Variants in CCDC38 observed in about 807,000 individuals in gnomAD.
CCDC38 encodes the protein coiled-coil domain-containing protein 38.
Under a neutral mutation model 72.8 loss-of-function variants are expected in CCDC38, and 69 were observed. The ratio of observed to expected loss-of-function variants is 0.95; its 90% CI spans 0.78 to 1.16. The LOEUF is 1.16. CCDC38 is among the 50% of genes most tolerant of loss of function. CCDC38 has a pLI of 0.00. For synonymous variants in CCDC38, 201 were observed against 213.2 expected (o/e 0.94, Z 0.50); for missense variants, 626 against 638.9 (o/e 0.98, Z 0.22).
intron 12 of CCDC38, among the ~76,000 whole-genome samples, chr12:95,878,745 G>C (rs1465304555): frequency 6.6e-6 from 1 of 152,132 alleles, no homozygotes; most frequent in East Asian, 1.9e-4. Context: ...ATCCTCTAGA[G>C]ATAGATTCTA....
intron 1 of CCDC38, among the ~76,000 whole-genome samples, chr12:95,942,010 T>C (rs147768519): frequency 6.4e-4 from 97 of 152,340 alleles, no homozygotes; most frequent in African/African-American, 1.8e-3. Flanking sequence ...GAGTGTTTGC[T>C]TTCTGTTCCA....
intron 2 of CCDC38, among the ~76,000 whole-genome samples, chr12:95,928,832 A>C (rs1197425613): frequency 2.6e-5 from 4 of 151,818 alleles, no homozygotes; most frequent in East Asian, 1.9e-4. Context: ...CTAGGGGGTG[A>C]CTCCCAGTTA....
chr12:95,920,019 C>T (rs1555231557), intron 2 of CCDC38, among the ~76,000 whole-genome samples: 1 of 152,002 alleles, frequency 6.6e-6, no homozygotes, highest in African/African-American at 2.4e-5. Context: ...TAGGGGCTCA[C>T]AAAAAACGTG....
intron 5 of CCDC38, among the ~76,000 whole-genome samples, chr12:95,900,120 C>T (rs7972482): frequency 0.066 from 10,049 of 151,958 alleles, 852 homozygotes; most frequent in African/African-American, 0.2. Context: ...TTTGCACCAG[C>T]CTAATATAAG....
At chr12:95,886,906 C>G (rs116860256) in intron 10 of CCDC38, among the ~76,000 whole-genome samples, 1 of 152,140 alleles carries the variant, frequency 6.6e-6, no homozygotes, top group East Asian at 1.9e-4. Flanking sequence ...AACATGCGGC[C>G]GGGCGTGGTG....
chr12:95,899,633 T>C (rs1448857355), intron 5 of CCDC38, among the ~76,000 whole-genome samples: 4 of 152,046 alleles, frequency 2.6e-5, no homozygotes, highest in Non-Finnish European at 5.9e-5. Context: ...AGGAAAAAAT[T>C]AAATCATAAA....
intron 4 of CCDC38, among the ~76,000 whole-genome samples, chr12:95,908,462 AGAG>A (rs2080043733): frequency 0.083 from 1 of 12 alleles, no homozygotes; most frequent in Admixed American, 0.5. Flanking sequence ...AGGGAGAGGG[AGAG>A]GGAGAGGGAG....
intron 1 of CCDC38, among the ~76,000 whole-genome samples, chr12:95,938,755 T>C (rs1385099548): frequency 6.6e-6 from 1 of 152,112 alleles, no homozygotes; most frequent in Non-Finnish European, 1.5e-5. Context: ...CCCTTTCCAA[T>C]CAGAAAAAAT....
intron 13 of CCDC38, among the ~76,000 whole-genome samples, chr12:95,873,489 C>G (rs2079603447): frequency 6.6e-6 from 1 of 152,188 alleles, no homozygotes; most frequent in South Asian, 2.1e-4. Context: ...TTGCTGATCC[C>G]TGTACCTCGA....
intron 4 of CCDC38, among the ~76,000 whole-genome samples, chr12:95,911,556 A>G (rs118076976): frequency 6.6e-6 from 1 of 152,298 alleles, no homozygotes; most frequent in Non-Finnish European, 1.5e-5. Context: ...CAAGAAAAAA[A>G]CACATTGAAA....
rs188621507 is a variant in CCDC38, at chr12:95,929,567, G to A, written c.37+6906C>T. Among the ~76,000 whole-genome samples the A allele has an allele frequency of 3.1e-3, 474 of 152,236 alleles. 4 individuals are homozygous for A. The highest frequency in any genetic ancestry group is 0.011 in the African/African-American group (451 of 41,524). On this transcript the variant is annotated intron_variant, in intron 2 of 15. Transcript: ENST00000344280. ...ATTCGGCCATCTTGGCTCCTCCCCTGCAAGTGTCTTAAAATCTTTAATGCC... is the reference window on the plus strand; with the variant it reads ...ATTCGGCCATCTTGGCTCCTCCCCTACAAGTGTCTTAAAATCTTTAATGCC...
At chr12:95,880,410 C>T (rs921528618) in intron 11 of CCDC38, among the ~76,000 whole-genome samples, 2 of 152,110 alleles carry the variant, frequency 1.3e-5, no homozygotes, top group African/African-American at 4.8e-5. Flanking sequence ...AATCCCAGCA[C>T]TTTGGGAGGC....
chr12:95,931,118 G>A (rs2080332892), intron 2 of CCDC38, among the ~76,000 whole-genome samples: 1 of 152,168 alleles, frequency 6.6e-6, no homozygotes, highest in South Asian at 2.1e-4. Flanking sequence ...TCTGAAATGA[G>A]TCCTTTGAGC....
At chr12:95,940,902 A>T (rs74677266) in intron 1 of CCDC38, among the ~76,000 whole-genome samples, 1 of 150,858 alleles carries the variant, frequency 6.6e-6, no homozygotes, top group Admixed American at 6.6e-5. Flanking sequence ...AAAAAAAAAA[A>T]CTGGAGGTCA....
intron 15 of CCDC38, among the ~76,000 whole-genome samples, chr12:95,868,725 G>A (rs969137961): frequency 5.3e-5 from 8 of 152,170 alleles, no homozygotes; most frequent in African/African-American, 1.4e-4. Context: ...GAGGGAAAGA[G>A]TGTCATATAG....
At chr12:95,909,797 A>G (rs79926260) in intron 4 of CCDC38, among the ~76,000 whole-genome samples, 12,911 of 152,260 alleles carry the variant, frequency 0.085, 764 homozygotes, top group Non-Finnish European at 0.12. Context: ...TTAAACCCCA[A>G]AACCATAGGA....
chr12:95,936,312 T>G (rs542714208), intron 2 of CCDC38, among the ~76,000 whole-genome samples, 161 bp downstream of exon 2: 4 of 152,194 alleles, frequency 2.6e-5, no homozygotes, highest in Admixed American at 2.6e-4. Context: ...ATTTTTTTTT[T>G]GAATTAAAAA....
intron 5 of CCDC38, 106 bp from the exon 6 acceptor site, chr12:95,898,837 G>A (rs1056284569): frequency 4.4e-5 from 50 of 1,127,004 alleles, no homozygotes; most frequent in Non-Finnish European, 5.3e-5. Flanking sequence ...ATAATAGTAC[G>A]CCTAAATCTT....
intron 5 of CCDC38, among the ~76,000 whole-genome samples, chr12:95,905,176 G>T (rs1205891932): frequency 6.6e-6 from 1 of 152,018 alleles, no homozygotes; most frequent in Non-Finnish European, 1.5e-5. Context: ...TTATTTTGTT[G>T]TTATTTTTTA....
Sources: allele counts gnomAD v4.1 joint callset (sites outside exome capture counted in the v4.1 genomes callset), GRCh38; gene constraint gnomAD v4.1.1; transcripts MANE v1.5; gene names NCBI Gene and HGNC (gene_info 2026-07-23, HGNC 2026-07-21).